The following TEAD1 variants were observed in gnomAD, a reference collection of about 807,000 sequenced individuals.
TEAD1 encodes the protein TEA domain transcription factor 1.
TEAD1 carries 9 observed loss-of-function variants against 54.9 expected under a neutral mutation model. The observed-to-expected ratio is 0.16, with a 90% CI of 0.10 to 0.29. The LOEUF (loss-of-function observed/expected upper bound fraction) is 0.29. Among genes scored for constraint, TEAD1 ranks in the 10% least tolerant of loss-of-function variants. The pLI, the probability that TEAD1 is intolerant of heterozygous loss-of-function variation, is 1.00. For synonymous variants in TEAD1, 200 were observed against 187.8 expected (o/e 1.07, Z -0.53); for missense variants, 387 against 535.9 (o/e 0.72, Z 2.74).
In TEAD1 at chr11:12,764,451, A is replaced by G. The variant is rs1456877093; in HGVS notation, c.202+17A>G. 1.2e-6 allele frequency: 2 copies of G among 1,613,754 alleles called. No individual in the cohort carries two copies. The highest frequency in any genetic ancestry group is 1.7e-5 in the Admixed American group (1 of 60,006). ...AAATGTATGGTAAGTGGCCTGGAAC[A>G]CTCCTTTGAAATACTACAACCTGCA... On this transcript the variant is annotated intron_variant, in intron 3 of 12. Transcript: ENST00000527636.
chr11:12,936,669 T>C (rs1223125188), intron 12 of TEAD1, among the ~76,000 whole-genome samples: 1 of 152,218 alleles, frequency 6.6e-6, no homozygotes, highest in African/African-American at 2.4e-5. Context: ...CATAAATATA[T>C]GTACTGCAAG....
chr11:12,933,769 C>T (rs1384510190), intron 12 of TEAD1, among the ~76,000 whole-genome samples: 1 of 152,140 alleles, frequency 6.6e-6, no homozygotes, highest in Admixed American at 6.5e-5. Flanking sequence ...TCATTTTTCT[C>T]ATTTTATGGA....
At chr11:12,862,141 A>G (rs990193794) in intron 3 of TEAD1, 109 bp from the exon 4 acceptor site, 9 of 816,246 alleles carry the variant, frequency 1.1e-5, no homozygotes, top group Non-Finnish European at 1.9e-5. Flanking sequence ...GTAAACACAT[A>G]GTTGTAATTT....
intron 2 of TEAD1, among the ~76,000 whole-genome samples, chr11:12,696,823 C>T (rs150864122): frequency 9.1e-4 from 139 of 152,158 alleles, no homozygotes; most frequent in African/African-American, 3.2e-3. Context: ...GGGCTGCTCC[C>T]CTCAGCAGAT....
chr11:12,703,869 AGATCCCCCTCACCTCTTTTTATAAAACAC>A (rs1943756986), intron 2 of TEAD1, among the ~76,000 whole-genome samples: 1 of 152,162 alleles, frequency 6.6e-6, no homozygotes, highest in Admixed American at 6.5e-5. Flanking sequence ...CTATAGTTGG[AGATCCCCCTCACCTCTTTTTATAAAACAC>A]AGGCTCATGG....
intron 2 of TEAD1, among the ~76,000 whole-genome samples, chr11:12,762,761 TGATA>T (rs1420228589): frequency 6.6e-6 from 1 of 152,156 alleles, no homozygotes; most frequent in Non-Finnish European, 1.5e-5. Context: ...TGGCATCTGT[TGATA>T]TACACAGGTG....
intron 10 of TEAD1, among the ~76,000 whole-genome samples, chr11:12,920,793 G>A (rs566616709): frequency 2.3e-4 from 35 of 152,326 alleles, no homozygotes; most frequent in African/African-American, 7.9e-4. Context: ...AATTTCTAAT[G>A]CACCTTTTCT....
chr11:12,862,414 A>C, intron 4 of TEAD1, 100 bp downstream of exon 4: 1 of 1,026,892 alleles, frequency 9.7e-7, no homozygotes, highest in Non-Finnish European at 1.5e-6. Context: ...GGAGCCCCCA[A>C]TTTGAGTTCC....
chr11:12,878,111 C>T (rs1947892116), intron 5 of TEAD1, among the ~76,000 whole-genome samples: 1 of 152,082 alleles, frequency 6.6e-6, no homozygotes, highest in Non-Finnish European at 1.5e-5. Flanking sequence ...CTGGTCTTCC[C>T]CTTTCCCTTT....
At chr11:12,749,426 T>C (rs1944818120) in intron 2 of TEAD1, among the ~76,000 whole-genome samples, 2 of 152,148 alleles carry the variant, frequency 1.3e-5, no homozygotes. Context: ...TCCACCTTTT[T>C]CCCTAAAGAA....
rs570818118 is a variant in TEAD1, at chr11:12,877,515, C to T, written c.331-2193C>T. 2.2e-3 allele frequency among the ~76,000 whole-genome samples: 339 copies of T among 152,134 alleles called. 1 individual carries two copies. The highest frequency in any genetic ancestry group is 7.6e-3 in the African/African-American group (316 of 41,496). ...TAAAAAGACAAATACAAAAATTAGC[C>T]GGGCATGGTGGCATATGCCTGTAAT... On this transcript the variant is annotated intron_variant, in intron 5 of 12. Transcript: ENST00000527636.
At chr11:12,702,295 G>A (rs576599599) in intron 2 of TEAD1, among the ~76,000 whole-genome samples, 109 of 152,290 alleles carry the variant, frequency 7.2e-4, no homozygotes, top group African/African-American at 1.6e-3. Context: ...TTGACCCTGC[G>A]TGTTACTATC....
intron 3 of TEAD1, among the ~76,000 whole-genome samples, chr11:12,777,896 C>T (rs1449938504): frequency 1.3e-5 from 2 of 152,168 alleles, no homozygotes; most frequent in African/African-American, 4.8e-5. Flanking sequence ...TGAACATACG[C>T]ATTGTGATAG....
At chr11:12,840,246 C>CAAAAAA (rs1176865272) in intron 3 of TEAD1, among the ~76,000 whole-genome samples, 535 of 31,402 alleles carry the variant, frequency 0.017, 44 homozygotes, top group South Asian at 0.095. Flanking sequence ...GACTCTGCCT[C>CAAAAAA]AAAAAAAAAA....
At chr11:12,888,852 CA>C (rs1353058446) in intron 9 of TEAD1, among the ~76,000 whole-genome samples, 7 of 152,268 alleles carry the variant, frequency 4.6e-5, no homozygotes, top group Middle Eastern at 3.4e-3. Context: ...AGATAGTGAC[CA>C]AAAGGCTATA....
rs1945049672 is a variant in TEAD1, at chr11:12,759,082, T to A, written c.-54-5097T>A. Among the ~76,000 whole-genome samples, 3 of 152,278 alleles carry A rather than the reference T, an allele frequency of 2.0e-5. No homozygotes were observed. In the South Asian group the frequency reaches 6.2e-4, roughly 32 times the overall value. On this transcript the variant is annotated intron_variant, in intron 2 of 12. Coordinates refer to ENST00000527636, the MANE Select transcript of TEAD1 (RefSeq NM_021961.6). ...TGGTGATCGTTGTGTTCAATGGCAT[T>A]TCATTAATTATGAGGATTAGTTAAA...
chr11:12,888,442 G>GA (rs1948134868), intron 9 of TEAD1, among the ~76,000 whole-genome samples: 2 of 152,192 alleles, frequency 1.3e-5, no homozygotes, highest in South Asian at 4.1e-4. Context: ...CCAAAAGGCG[G>GA]AGGTGGCGGT....
chr11:12,861,741 C>T (rs1947507788), intron 3 of TEAD1, among the ~76,000 whole-genome samples: 1 of 152,170 alleles, frequency 6.6e-6, no homozygotes, highest in African/African-American at 2.4e-5. Flanking sequence ...AATCCCAGCA[C>T]TTAAGGAGGC....
chr11:12,752,213 G>GT (rs35143229), intron 2 of TEAD1, among the ~76,000 whole-genome samples: 18,201 of 100,834 alleles, frequency 0.18, 1,653 homozygotes, highest in South Asian at 0.29. Context: ...AAACAGGGCA[G>GT]TTTTTTTTTT....
Sources: gnomAD v4.1 joint callset for allele counts (sites outside exome capture counted in the v4.1 genomes callset) on GRCh38, gnomAD v4.1.1 for gene constraint, MANE v1.5 for transcripts, NCBI Gene and HGNC (gene_info 2026-07-23, HGNC 2026-07-21) for gene names.